Variants in PARD3 observed in about 807,000 individuals in gnomAD.
PARD3 encodes the protein par-3 family cell polarity regulator.
A neutral mutation model predicts 155.4 loss-of-function variants in PARD3; 75 were observed. The observed-to-expected ratio is 0.48, with a 90% CI of 0.40 to 0.58. The LOEUF (loss-of-function observed/expected upper bound fraction) is 0.58, where lower values mean the gene tolerates loss of function less well. PARD3 is among the 20% of genes least tolerant of loss of function. PARD3 has a pLI of 0.00. For missense variants in PARD3, 1,642 were observed against 1,721.7 expected (o/e 0.95, Z 0.82); for synonymous variants, 576 against 610.5 (o/e 0.94, Z 0.83).
At chr10:34,562,122 T>G (rs2085529837) in intron 2 of PARD3, among the ~76,000 whole-genome samples, 1 of 32,962 alleles carries the variant, frequency 3.0e-5, no homozygotes, top group African/African-American at 2.2e-4. Context: ...CCTGACTGTC[T>G]CAAAAAAAAA....
chr10:34,381,861 T>TATGACTGC (rs1231488083), intron 9 of PARD3, among the ~76,000 whole-genome samples: 7 of 128,768 alleles, frequency 5.4e-5, no homozygotes, highest in African/African-American at 2.1e-4. Context: ...TACGGTGAGC[T>TATGACTGC]ATGACTGCAC....
At chr10:34,125,443 G>C (rs1947234881) in intron 23 of PARD3, among the ~76,000 whole-genome samples, 2 of 152,172 alleles carry the variant, frequency 1.3e-5, no homozygotes, top group Non-Finnish European at 2.9e-5. Context: ...TGTCAACTAA[G>C]GCAGCATTTT....
chr10:34,271,355 C>T (rs188207062), intron 21 of PARD3, among the ~76,000 whole-genome samples: 75 of 152,032 alleles, frequency 4.9e-4, no homozygotes, highest in South Asian at 1.2e-3. Flanking sequence ...AATTATACAC[C>T]GTGACCAAAT....
At chr10:34,407,517 A>G (rs915439505) in intron 5 of PARD3, among the ~76,000 whole-genome samples, 2 of 152,194 alleles carry the variant, frequency 1.3e-5, no homozygotes, top group African/African-American at 4.8e-5. Context: ...CCATAGTCGT[A>G]AGCTGCTGCT....
chr10:34,387,079 T>G (rs78956261), intron 7 of PARD3, among the ~76,000 whole-genome samples: 1 of 152,190 alleles, frequency 6.6e-6, no homozygotes, highest in South Asian at 2.1e-4. Flanking sequence ...GGAATGTGTA[T>G]GCTTTCAGTC....
At chr10:34,465,615 G>T (rs1196312501) in intron 4 of PARD3, among the ~76,000 whole-genome samples, 2 of 152,118 alleles carry the variant, frequency 1.3e-5, no homozygotes, top group Non-Finnish European at 2.9e-5. Context: ...CAATGCAATA[G>T]GTTCCCTTTA....
At chr10:34,182,400 C>A (rs1950306551) in intron 22 of PARD3, among the ~76,000 whole-genome samples, 1 of 152,202 alleles carries the variant, frequency 6.6e-6, no homozygotes, top group Non-Finnish European at 1.5e-5. Context: ...ATCTGACTTA[C>A]ACTTTAGTAG....
intron 2 of PARD3, among the ~76,000 whole-genome samples, chr10:34,522,507 GT>G (rs1282751058): frequency 1.3e-5 from 2 of 152,122 alleles, no homozygotes; most frequent in African/African-American, 4.8e-5. Flanking sequence ...CAATAAGTAT[GT>G]TTACTATGAG....
chr10:34,189,534 C>A (rs1163597912), intron 22 of PARD3, among the ~76,000 whole-genome samples: 1 of 152,120 alleles, frequency 6.6e-6, no homozygotes, highest in African/African-American at 2.4e-5. Context: ...AAAATCAATG[C>A]CAGCATCACT....
chr10:34,355,658 G>C (rs959957780), intron 14 of PARD3, among the ~76,000 whole-genome samples: 2 of 152,256 alleles, frequency 1.3e-5, no homozygotes, highest in Non-Finnish European at 2.9e-5. Context: ...GTGGGGCGCA[G>C]TGGCTCACGC....
chr10:34,625,843 G>A (rs991705835), intron 2 of PARD3, among the ~76,000 whole-genome samples: 10 of 150,946 alleles, frequency 6.6e-5, no homozygotes, highest in Non-Finnish European at 1.0e-4. Flanking sequence ...CTGGGGAAGC[G>A]GAGATTGAGG....
chr10:34,151,413 G>C (rs912265159), intron 22 of PARD3, among the ~76,000 whole-genome samples: 2 of 150,634 alleles, frequency 1.3e-5, no homozygotes, highest in African/African-American at 5.0e-5. Flanking sequence ...GCAGAGAAGA[G>C]AGGTTTTTTT....
In PARD3 at chr10:34,276,873, A is replaced by C. The variant is rs550507469; in HGVS notation, c.3177-6974T>G. ...GTTGTATTTTTTTAAAGACTACAAGAAATAGAAACTGTCTTTTAACGATTT... is the reference window on the plus strand; with the variant it reads ...GTTGTATTTTTTTAAAGACTACAAGCAATAGAAACTGTCTTTTAACGATTT... On this transcript the variant is annotated intron_variant, in intron 21 of 24. Transcript: ENST00000374788. Among the ~76,000 whole-genome samples, 3 of 152,326 alleles carry C rather than the reference A, an allele frequency of 2.0e-5. No homozygotes were observed. In the South Asian group the frequency reaches 6.2e-4, roughly 32 times the overall value.
intron 3 of PARD3, among the ~76,000 whole-genome samples, chr10:34,483,884 G>A (rs2079262049): frequency 6.6e-6 from 1 of 152,202 alleles, no homozygotes; most frequent in East Asian, 1.9e-4. Flanking sequence ...TGCCTTAGGT[G>A]TGATCTGTAT....
chr10:34,609,349 CATGA>C (rs778001365), intron 2 of PARD3, among the ~76,000 whole-genome samples: 5 of 152,122 alleles, frequency 3.3e-5, no homozygotes, highest in Non-Finnish European at 7.4e-5. Flanking sequence ...AATAATTTAG[CATGA>C]GAAAGTCTGT....
At chr10:34,702,063 G>A (rs927395829) in intron 1 of PARD3, among the ~76,000 whole-genome samples, 2 of 152,104 alleles carry the variant, frequency 1.3e-5, no homozygotes, top group Non-Finnish European at 2.9e-5. Flanking sequence ...TACTCAGGAG[G>A]CTGAGGCAGG....
At chr10:34,303,744 T>C (rs1957268306) in intron 20 of PARD3, among the ~76,000 whole-genome samples, 1 of 151,834 alleles carries the variant, frequency 6.6e-6, no homozygotes, top group Non-Finnish European at 1.5e-5. Flanking sequence ...AGCAAAGCCC[T>C]GAGAGGTGAG....
intron 2 of PARD3, among the ~76,000 whole-genome samples, chr10:34,661,228 C>T (rs1283382863): frequency 6.6e-6 from 1 of 152,140 alleles, no homozygotes; most frequent in Admixed American, 6.5e-5. Context: ...AATCACTCTA[C>T]TTGAGAAACA....
intron 4 of PARD3, among the ~76,000 whole-genome samples, chr10:34,461,861 A>G (rs2077674389): frequency 6.6e-6 from 1 of 152,170 alleles, no homozygotes; most frequent in Non-Finnish European, 1.5e-5. Context: ...TGTGAACTCT[A>G]AAAATATCGC....
Sources: gnomAD v4.1 joint callset for allele counts (sites outside exome capture counted in the v4.1 genomes callset) on GRCh38, gnomAD v4.1.1 for gene constraint, MANE v1.5 for transcripts, NCBI Gene and HGNC (gene_info 2026-07-23, HGNC 2026-07-21) for gene names.